The following ANKMY2 variants were observed in gnomAD, a reference collection of about 807,000 sequenced individuals.
ANKMY2 encodes ankyrin repeat and MYND domain containing 2.
In ANKMY2, 36 loss-of-function variants were observed where a neutral mutation model predicts 50.4. The observed-to-expected ratio is 0.71, with a 90% CI of 0.55 to 0.94. ANKMY2 has a LOEUF of 0.94. Ranked by LOEUF, ANKMY2 falls within the 40% of genes least tolerant of loss-of-function variation. ANKMY2 has a pLI of 0.00. For missense variants in ANKMY2, 565 were observed against 524.0 expected, an observed-to-expected ratio of 1.08 and a Z score of -0.76; for synonymous variants, 187 against 178.8, an observed-to-expected ratio of 1.05 and a Z score of -0.36.
At chr7:16,622,920 C>T (rs942994119) in intron 4 of ANKMY2, among the ~76,000 whole-genome samples, 11 of 152,040 alleles carry the variant, frequency 7.2e-5, no homozygotes, top group African/African-American at 2.7e-4. Flanking sequence ...ATGATTATTA[C>T]ATTATTTGTA....
rs937680256 is a variant in ANKMY2, at chr7:16,599,795, C to T, written c.*966G>A. On this transcript the variant is annotated 3_prime_UTR_variant, in exon 10 of 10. Transcript: ENST00000306999. ...GATGAGTTGTTTATATTTGTAGGCA[C>T]AATTTATTTTAAAATCCACACAAGA... 1 of 152,140 alleles carries T rather than the reference C, an allele frequency of 6.6e-6. No homozygotes were observed. Among genetic ancestry groups the T allele is most frequent in the Non-Finnish European group, 1.5e-5 (1 of 68,024 alleles). 9.4% of individuals were successfully genotyped at this position (152,140 alleles called of 1,614,324 possible).
In ANKMY2 at chr7:16,627,137, T is replaced by C. The variant is rs1781517639; in HGVS notation, c.174A>G (p.Lys58=). Residue 58 remains lysine (K), a synonymous_variant, in exon 3 of 10, where the codon AAA becomes AAG. Coordinates refer to ENST00000306999, the MANE Select transcript of ANKMY2 (RefSeq NM_020319.3). The part of the protein sequence containing the change: ...TPLMHAAYKG[K]LDMCKLLLRH... ...GCAGTAGTAATTTGCACATATCGAG[T>C]TTTCCTTTATATGCTGCATGCATTA... The C allele has an allele frequency of 5.0e-6, 8 of 1,608,212 alleles. No individual in the cohort carries two copies. Among genetic ancestry groups the C allele is most frequent in the Non-Finnish European group, 6.8e-6 (8 of 1,176,070 alleles).
chr7:16,600,669 G>T lies in ANKMY2; in HGVS notation c.*92C>A, dbSNP rs760072774. On this transcript the variant is annotated 3_prime_UTR_variant, in exon 10 of 10. Coordinates refer to ENST00000306999, the MANE Select transcript of ANKMY2 (RefSeq NM_020319.3). ...ATGTGGAATCCTGCCATGGTGCCAC[G>T]CAGGTATAACAAGGTGAGGACAATG... is the stretch of plus-strand genomic sequence containing the variant. The T allele has an allele frequency of 3.3e-4, 370 of 1,127,756 alleles. No homozygotes were observed. The highest frequency in any genetic ancestry group is 4.2e-4 in the Non-Finnish European group (349 of 832,876). The allele number at this position is 1,127,756 out of a possible 1,614,324, so 69.9% of individuals were successfully genotyped here. A position where few individuals can be genotyped will look rare whatever the true frequency, so the allele number is the denominator to read the frequency against.
At chr7:16,609,796 G>T in intron 6 of ANKMY2, 31 bp from the exon 7 acceptor site, 1 of 1,604,440 alleles carries the variant, frequency 6.2e-7, no homozygotes, top group Non-Finnish European at 8.5e-7. Context: ...CGTAATTGGA[G>T]TTGAATCACT....
chr7:16,637,331 T>G (rs1267862575), intron 1 of ANKMY2, among the ~76,000 whole-genome samples: 1 of 152,202 alleles, frequency 6.6e-6, no homozygotes, highest in Non-Finnish European at 1.5e-5. Flanking sequence ...AGTGCAAGAC[T>G]GTGCTAAACT....
rs747383802 is a variant in ANKMY2, at chr7:16,627,185, T to A, written c.133-7A>T. 1.9e-6 allele frequency: 3 copies of A among 1,562,194 alleles called. No homozygotes were observed. The highest frequency in any genetic ancestry group is 1.4e-5 in the African/African-American group (1 of 73,308). ...TTAGAGGAGTCATTCCATTCTTTAATAGAAAGAGGAAAAAAGTATTAATTT... is the reference window on the plus strand; with the variant it reads ...TTAGAGGAGTCATTCCATTCTTTAAAAGAAAGAGGAAAAAAGTATTAATTT... On this transcript the variant is annotated splice_region_variant and splice_polypyrimidine_tract_variant and intron_variant, in intron 2 of 9. Transcript: ENST00000306999.
chr7:16,628,908 TAAACAAAACA>T (rs59359472), intron 2 of ANKMY2, among the ~76,000 whole-genome samples: 6,094 of 127,990 alleles, frequency 0.048, 211 homozygotes, highest in African/African-American at 0.1. Flanking sequence ...GCCTCTAGTT[TAAACAAAACA>T]AAACAAAACA....
chr7:16,604,650 T>C, intron 8 of ANKMY2, 71 bp downstream of exon 8: 1 of 1,547,158 alleles, frequency 6.5e-7, no homozygotes, highest in Non-Finnish European at 8.7e-7. Flanking sequence ...TTACAGAATA[T>C]TAAAACTCAA....
chr7:16,634,464 C>T (rs1032228538), intron 2 of ANKMY2, among the ~76,000 whole-genome samples: 1 of 152,112 alleles, frequency 6.6e-6, no homozygotes, highest in Non-Finnish European at 1.5e-5. Context: ...GTTGAGCATC[C>T]AGGGTCACCA....
intron 3 of ANKMY2, among the ~76,000 whole-genome samples, chr7:16,625,317 A>AATTGAATACT (rs775733636): frequency 6.6e-6 from 1 of 152,232 alleles, no homozygotes; most frequent in African/African-American, 2.4e-5. Context: ...GGCAGTATGG[A>AATTGAATACT]ATTGAATACT....
At chr7:16,611,385 G>C (rs1231060167) in intron 5 of ANKMY2, among the ~76,000 whole-genome samples, 1 of 152,164 alleles carries the variant, frequency 6.6e-6, no homozygotes, top group Non-Finnish European at 1.5e-5. Flanking sequence ...ATATTAGAAT[G>C]ATCAAATCTT....
intron 7 of ANKMY2, among the ~76,000 whole-genome samples, chr7:16,606,473 C>T (rs765988940): frequency 1.8e-4 from 27 of 151,814 alleles, no homozygotes; most frequent in Non-Finnish European, 2.9e-4. Context: ...CTGTCTGAGA[C>T]GATGCTACTA....
chr7:16,600,864 T>A lies in ANKMY2; in HGVS notation c.1223A>T (p.Asn408Ile), dbSNP rs2128341330. The change falls in exon 10 of 10, where the codon AAT becomes ATT. Residue 408 changes from asparagine (N) to isoleucine (I), a missense_variant. Asn to Ile is a moderately radical substitution (Grantham distance 149, BLOSUM62 -3). Coordinates refer to ENST00000306999, the MANE Select transcript of ANKMY2 (RefSeq NM_020319.3). ...CTTTCCTTCCCCGGAATCTTCAGGATTGGAATCCTTTTGAGAGATACCTAC... is the reference window on the plus strand; with the variant it reads ...CTTTCCTTCCCCGGAATCTTCAGGAATGGAATCCTTTTGAGAGATACCTAC... ...AEVGISQKDS[N>I]PEDSGEGKKE... 1 of 1,613,788 alleles carries A rather than the reference T, an allele frequency of 6.2e-7. No homozygotes were observed. Among genetic ancestry groups the A allele is most frequent in the Non-Finnish European group, 8.5e-7 (1 of 1,179,832 alleles).
chr7:16,613,472 C>T (rs777356780), intron 5 of ANKMY2, among the ~76,000 whole-genome samples: 13 of 152,020 alleles, frequency 8.6e-5, no homozygotes, highest in Non-Finnish European at 1.6e-4. Flanking sequence ...AGGTTTCGAG[C>T]GAATAGATTG....
At chr7:16,639,547 T>G (rs1781718465) in intron 1 of ANKMY2, among the ~76,000 whole-genome samples, 1 of 152,158 alleles carries the variant, frequency 6.6e-6, no homozygotes, top group Non-Finnish European at 1.5e-5. Context: ...ACAAGCATTT[T>G]AGGAGAGAAA....
chr7:16,616,906 C>A (rs1583673946), intron 4 of ANKMY2, among the ~76,000 whole-genome samples: 1 of 152,182 alleles, frequency 6.6e-6, no homozygotes, highest in Non-Finnish European at 1.5e-5. Context: ...GCACTGTGGG[C>A]CAGCTGGACG....
intron 2 of ANKMY2, among the ~76,000 whole-genome samples, chr7:16,628,908 T>A (rs920365998): frequency 1.6e-4 from 20 of 128,034 alleles, no homozygotes; most frequent in East Asian, 4.7e-4. Context: ...GCCTCTAGTT[T>A]AAACAAAACA....
At chr7:16,628,373 C>T (rs1050881376) in intron 2 of ANKMY2, among the ~76,000 whole-genome samples, 2 of 152,140 alleles carry the variant, frequency 1.3e-5, no homozygotes, top group African/African-American at 4.8e-5. Context: ...AGGCTGGGAC[C>T]TTTCAGTTGC....
At chr7:16,615,342 A>C (rs1162650412) in intron 5 of ANKMY2, among the ~76,000 whole-genome samples, 1 of 152,146 alleles carries the variant, frequency 6.6e-6, no homozygotes, top group Non-Finnish European at 1.5e-5. Context: ...ACCCTCATTG[A>C]AAGGGAGCCA....
Sources: gnomAD v4.1 joint callset for allele counts (sites outside exome capture counted in the v4.1 genomes callset) on GRCh38, gnomAD v4.1.1 for gene constraint, MANE v1.5 for transcripts, NCBI Gene and HGNC (gene_info 2026-07-23, HGNC 2026-07-21) for gene names.